DNAH17: variants seen among roughly 807,000 people sequenced by gnomAD.
DNAH17 encodes the protein axonemal beta dynein heavy chain 17.
DNAH17 carries 376 observed loss-of-function variants against 485.6 expected under a neutral mutation model. The ratio of observed to expected loss-of-function variants is 0.77; its 90% confidence interval spans 0.71 to 0.84. The LOEUF is 0.84. Ranked by LOEUF, DNAH17 falls within the 40% of genes least tolerant of loss-of-function variation. The probability of loss-of-function intolerance (pLI) is 0.00; values close to 1 mark genes in which losing one functional copy is unlikely to be tolerated. For synonymous variants in DNAH17, 3,031 were observed against 2,405.9 expected (o/e 1.26, Z -7.60); for missense variants, 6,370 against 5,839.3 (o/e 1.09, Z -2.96).
chr17:78,526,979 C>T lies in DNAH17; in HGVS notation c.3525G>A (p.Trp1175Ter). ...GAATGGCCAGTTTCTTGGTATTTGC[C>T]CAGTGCTCCGGCAGCTCCTGCGGGA... ...HLKLQELPEH[W>*]ANTKKLAIQV... Residue 1175 changes from tryptophan (W) to a stop codon, truncating the protein, a stop_gained, in exon 23 of 81, where the codon TGG becomes TGA. Coordinates refer to ENST00000389840, the MANE Select transcript of DNAH17 (RefSeq NM_173628.4). LOFTEE classifies it high-confidence loss of function. The T allele has an allele frequency of 1.3e-6, 2 of 1,582,840 alleles. No homozygotes were observed. The highest frequency in any genetic ancestry group is 1.7e-6 in the Non-Finnish European group (2 of 1,164,396).
chr17:78,445,651 T>A lies in DNAH17; in HGVS notation c.11241A>T (p.Pro3747=). The change falls in exon 70 of 81, where the codon CCA becomes CCT. Residue 3747 remains proline (P), a synonymous_variant. Transcript: ENST00000389840. The part of the protein sequence containing the change: ...QVLSMKKELN[P]VELDFLLRFP... ...ACCGCAGGAGGAAATCCAGCTCCAC[T>A]GGGTTCAGCTCCTTCTTCATGGACA... The A allele has an allele frequency of 6.3e-7, 1 of 1,578,180 alleles. No homozygotes were observed. The highest frequency in any genetic ancestry group is 8.6e-7 in the Non-Finnish European group (1 of 1,162,036).
intron 71 of DNAH17, among the ~76,000 whole-genome samples, chr17:78,441,923 A>C (rs909929916): frequency 2.6e-5 from 4 of 152,078 alleles, no homozygotes; most frequent in Admixed American, 6.6e-5. Context: ...TCTCTACTAA[A>C]AATACAAAAA....
chr17:78,466,839 C>T lies in DNAH17; in HGVS notation c.8779-23G>A, dbSNP rs771944693. On this transcript the variant is annotated intron_variant, in intron 55 of 80. Coordinates refer to ENST00000389840, the MANE Select transcript of DNAH17 (RefSeq NM_173628.4). ...CACCTGGGTGTGGGAGACACAGATG[C>T]GCTGCCTACTGGGACTGCAGTGCTG... 8.4e-6 allele frequency: 13 copies of T among 1,544,144 alleles called. No homozygotes were observed. The Admixed American group carries it at 1.2e-4, about 14-fold the overall frequency.
At chr17:78,563,082 G>A (rs1035296792) in intron 11 of DNAH17, among the ~76,000 whole-genome samples, 14 of 152,218 alleles carry the variant, frequency 9.2e-5, no homozygotes, top group South Asian at 4.1e-4. Context: ...AAACATGACT[G>A]CGAAGAGAGG....
chr17:78,547,067 A>C (rs1598700902), intron 16 of DNAH17, among the ~76,000 whole-genome samples: 1 of 152,164 alleles, frequency 6.6e-6, no homozygotes, highest in African/African-American at 2.4e-5. Context: ...TTTTTCTACA[A>C]GTATTGCTTT....
rs368080042 is a variant in DNAH17 at position 78,485,601 on chromosome 17, G to A, written c.7432C>T (p.Leu2478=). The change falls in exon 47 of 81, where the codon CTG becomes TTG. Residue 2478 remains leucine, a synonymous_variant. Transcript: ENST00000389840. The stretch of plus-strand genomic sequence containing the variant: ...AAGTTGAAGGGCACAGCCTGCACCA[G>A]GTAGTTGTCCGTGTTCAGGCTTTCC... ...KLESLNTDNY[L]VQAVPFNFYT... The A allele has an allele frequency of 1.4e-5, 22 of 1,613,718 alleles. No homozygotes were observed. In the African/African-American group the frequency reaches 2.8e-4, roughly 21 times the overall value.
chr17:78,462,809 G>T (rs376066908), intron 57 of DNAH17, 35 bp downstream of exon 57: 1 of 1,606,276 alleles, frequency 6.2e-7, no homozygotes, highest in Non-Finnish European at 8.5e-7. Flanking sequence ...TCCAGGGAAC[G>T]GCACAGGAGC....
At chr17:78,473,163 AG>A (rs2088844600) in intron 54 of DNAH17, among the ~76,000 whole-genome samples, 1 of 152,224 alleles carries the variant, frequency 6.6e-6, no homozygotes, top group South Asian at 2.1e-4. Flanking sequence ...CGAATGGCTC[AG>A]GAGTCTAGCT....
chr17:78,500,503 T>TG, intron 35 of DNAH17, 42 bp from the exon 36 acceptor site: 1 of 1,508,716 alleles, frequency 6.6e-7, no homozygotes, highest in Non-Finnish European at 8.9e-7. Flanking sequence ...AGCGACCCCA[T>TG]GGCCTCCCTG....
At chr17:78,567,878 G>A (rs1436718257) in intron 9 of DNAH17, among the ~76,000 whole-genome samples, 2 of 152,144 alleles carry the variant, frequency 1.3e-5, no homozygotes, top group Admixed American at 1.3e-4. Flanking sequence ...AAGGCTCCCT[G>A]GATGCTCTTC....
intron 25 of DNAH17, among the ~76,000 whole-genome samples, chr17:78,523,844 G>A (rs980514521): frequency 6.6e-6 from 1 of 152,210 alleles, no homozygotes; most frequent in Non-Finnish European, 1.5e-5. Context: ...AGGAGGCAGA[G>A]GTTGCAGTCA....
intron 71 of DNAH17, among the ~76,000 whole-genome samples, chr17:78,442,597 G>T (rs566580728): frequency 6.6e-6 from 1 of 152,362 alleles, no homozygotes; most frequent in South Asian, 2.1e-4. Flanking sequence ...ATGGTCATCG[G>T]CTGTGGATGA....
intron 56 of DNAH17, among the ~76,000 whole-genome samples, chr17:78,466,048 A>T (rs1012302797): frequency 2.0e-5 from 3 of 152,172 alleles, no homozygotes; most frequent in Non-Finnish European, 2.9e-5. Context: ...GTGTAGAAAG[A>T]AGTAGACATG....
At chr17:78,542,111 G>A (rs1367699281) in intron 17 of DNAH17, among the ~76,000 whole-genome samples, 1 of 52,846 alleles carries the variant, frequency 1.9e-5, no homozygotes, top group Non-Finnish European at 3.7e-5. Context: ...CCACCCACTG[G>A]AAACCGCCCC....
chr17:78,532,967 C>G (rs2091280837), intron 19 of DNAH17: 3 of 474,818 alleles, frequency 6.3e-6, no homozygotes, highest in Non-Finnish European at 1.1e-5. Context: ...GGATAGCACA[C>G]TACAGCCCAG....
intron 18 of DNAH17, among the ~76,000 whole-genome samples, chr17:78,538,496 A>G (rs756290454): frequency 9.2e-5 from 14 of 152,118 alleles, no homozygotes; most frequent in African/African-American, 3.4e-4. Flanking sequence ...TGAGCTTTTG[A>G]GCCCCCCAAT....
chr17:78,555,140 G>C (rs2091991972), intron 14 of DNAH17, among the ~76,000 whole-genome samples: 1 of 152,312 alleles, frequency 6.6e-6, no homozygotes, highest in South Asian at 2.1e-4. Context: ...AAGAGAAATA[G>C]AGTATAAGAG....
intron 25 of DNAH17, among the ~76,000 whole-genome samples, chr17:78,518,139 A>G (rs2090838321): frequency 6.6e-6 from 1 of 152,278 alleles, no homozygotes; most frequent in African/African-American, 2.4e-5. Context: ...AGGCTGTAAC[A>G]TGACAATAAT....
rs1401156393 is a variant in DNAH17, at chr17:78,501,746, G to T, written c.5318C>A (p.Ala1773Asp). The T allele has an allele frequency of 6.2e-7, 1 of 1,612,870 alleles. No individual in the cohort carries two copies. Among genetic ancestry groups the T allele is most frequent in the Admixed American group, 1.7e-5 (1 of 60,018 alleles). The change falls in exon 34 of 81, where the codon GCC becomes GAC. Residue 1773 changes from alanine (A) to aspartate (D), a missense_variant. Coordinates refer to ENST00000389840, the MANE Select transcript of DNAH17 (RefSeq NM_173628.4). ...CTGGGACAGGGGCGCTCATGCCTTG[G>T]CCACGATCATTTTGGCCACCACGTC... Reference protein sequence around the residue: ...ARDVVAKMIVAKVESSQAFTW... With the variant: ...ARDVVAKMIVDKVESSQAFTW...
Sources: allele counts gnomAD v4.1 joint callset (sites outside exome capture counted in the v4.1 genomes callset), GRCh38; gene constraint gnomAD v4.1.1; transcripts MANE v1.5; gene names NCBI Gene and HGNC (gene_info 2026-07-23, HGNC 2026-07-21).